The following LRP1B variants were observed in gnomAD, a reference collection of about 807,000 sequenced individuals.
LRP1B encodes LDL receptor related protein 1B, also known as low-density lipoprotein receptor-related protein 1B.
A neutral mutation model predicts 556.6 loss-of-function variants in LRP1B; 217 were observed. That is an observed-to-expected ratio of 0.39 (90% CI 0.35 to 0.44). LRP1B has a LOEUF of 0.44. LRP1B is among the 20% of genes least tolerant of loss of function. LRP1B has a pLI of 1.00. For missense variants in LRP1B, 5,053 were observed against 5,620.8 expected (o/e 0.90, Z 3.23); for synonymous variants, 2,047 against 1,865.8 (o/e 1.10, Z -2.50).
intron 7 of LRP1B, among the ~76,000 whole-genome samples, chr2:141,181,734 TA>T (rs1681005648): frequency 6.6e-6 from 1 of 151,912 alleles, no homozygotes; most frequent in Non-Finnish European, 1.5e-5. Flanking sequence ...ATTCCCAGGC[TA>T]AGCACATTGT....
chr2:141,262,102 G>C (rs1256694954), intron 3 of LRP1B, among the ~76,000 whole-genome samples: 1 of 151,854 alleles, frequency 6.6e-6, no homozygotes, highest in East Asian at 1.9e-4. Flanking sequence ...TATATGTAGT[G>C]GTAGCTATTG....
intron 2 of LRP1B, among the ~76,000 whole-genome samples, chr2:141,489,836 A>G (rs181212015): frequency 6.6e-6 from 1 of 152,330 alleles, no homozygotes; most frequent in East Asian, 1.9e-4. Context: ...GTTAATCTGT[A>G]TGATTACACT....
intron 1 of LRP1B, among the ~76,000 whole-genome samples, chr2:142,124,891 T>C (rs1033363639): frequency 1.1e-5 from 1 of 93,242 alleles, no homozygotes; most frequent in Admixed American, 9.9e-5. Context: ...CCAGTCTTAC[T>C]TTTTTTTTTT....
At chr2:141,329,324 G>C (rs915570184) in intron 3 of LRP1B, among the ~76,000 whole-genome samples, 1 of 144,518 alleles carries the variant, frequency 6.9e-6, no homozygotes, top group East Asian at 2.0e-4. Context: ...GGAAGAGGAG[G>C]TCAAAGTGAG....
chr2:140,413,382 G>C (rs1296419891), intron 66 of LRP1B, among the ~76,000 whole-genome samples: 2 of 151,910 alleles, frequency 1.3e-5, no homozygotes, highest in Non-Finnish European at 2.9e-5. Flanking sequence ...AATCCCCTTA[G>C]AGACAGATCT....
chr2:140,861,173 G>A (rs1367376890), intron 27 of LRP1B, among the ~76,000 whole-genome samples: 2 of 152,152 alleles, frequency 1.3e-5, no homozygotes, highest in East Asian at 1.9e-4. Context: ...TTGGGAAGCC[G>A]AGGAGGGCAG....
rs919260473 is a variant in LRP1B, at chr2:140,591,796, T to G, written c.7194+6835A>C. ...TTTAATTCCATTTTACATATATACA[T>G]AAGTATTTCAGGAGATTTAATATAT... On this transcript the variant is annotated intron_variant, in intron 43 of 90. Coordinates refer to ENST00000389484, the MANE Select transcript of LRP1B (RefSeq NM_018557.3). Among the ~76,000 whole-genome samples the G allele has an allele frequency of 2.9e-4, 44 of 152,206 alleles. 1 individual carries two copies. Among genetic ancestry groups the G allele is most frequent in the Admixed American group, 1.1e-3 (17 of 15,280 alleles).
intron 7 of LRP1B, among the ~76,000 whole-genome samples, chr2:141,120,803 T>C (rs374016287): frequency 9.7e-4 from 148 of 152,136 alleles, no homozygotes; most frequent in African/African-American, 3.4e-3. Flanking sequence ...GGCCAAGTTA[T>C]TGTGAGACTC....
chr2:140,703,461 CTTCTTAA>C (rs1686719003), intron 37 of LRP1B, among the ~76,000 whole-genome samples: 1 of 151,916 alleles, frequency 6.6e-6, no homozygotes, highest in African/African-American at 2.4e-5. Context: ...AATATAATTC[CTTCTTAA>C]TTCTTAATTT....
chr2:141,609,434 T>C (rs1316697347), intron 2 of LRP1B, among the ~76,000 whole-genome samples: 1 of 152,232 alleles, frequency 6.6e-6, no homozygotes, highest in Non-Finnish European at 1.5e-5. Flanking sequence ...TATTTTCATG[T>C]TAGTCATTCA....
intron 1 of LRP1B, among the ~76,000 whole-genome samples, chr2:141,862,608 C>T (rs920125604): frequency 6.6e-6 from 1 of 152,178 alleles, no homozygotes; most frequent in African/African-American, 2.4e-5. Flanking sequence ...GGGGTTTCAA[C>T]ATATTGGCCA....
intron 2 of LRP1B, among the ~76,000 whole-genome samples, chr2:141,698,577 GA>G (rs1461609997): frequency 1.3e-5 from 2 of 150,230 alleles, no homozygotes; most frequent in Non-Finnish European, 3.0e-5. Context: ...AATGGGTTTT[GA>G]AATCCACCTA....
At chr2:141,720,353 G>C (rs2105496490) in intron 2 of LRP1B, among the ~76,000 whole-genome samples, 1 of 152,202 alleles carries the variant, frequency 6.6e-6, no homozygotes, top group South Asian at 2.1e-4. Context: ...ATATGTCACT[G>C]AGTAGAGATG....
chr2:141,219,177 G>T (rs142234610), intron 6 of LRP1B, among the ~76,000 whole-genome samples: 1 of 152,186 alleles, frequency 6.6e-6, no homozygotes, highest in Non-Finnish European at 1.5e-5. Flanking sequence ...GTGGCTTCAG[G>T]CTGGACACTG....
rs1275181054 is a variant in LRP1B, at chr2:142,129,676, T to C, written c.82+972A>G. On this transcript the variant is annotated intron_variant, in intron 1 of 90. Coordinates refer to ENST00000389484, the MANE Select transcript of LRP1B (RefSeq NM_018557.3). Reference sequence around the variant, plus strand: ...AACTATACCAGTCAATATAAGCTCATTTTCTGATTTTAAAAAAATCTATGA... The same window carrying C: ...AACTATACCAGTCAATATAAGCTCACTTTCTGATTTTAAAAAAATCTATGA... Among the ~76,000 whole-genome samples the C allele has an allele frequency of 2.0e-5, 3 of 151,344 alleles. No homozygotes were observed. In the East Asian group the frequency reaches 5.9e-4, roughly 30 times the overall value.
intron 66 of LRP1B, among the ~76,000 whole-genome samples, chr2:140,409,995 G>A (rs1558863030): frequency 6.6e-6 from 1 of 151,950 alleles, no homozygotes; most frequent in Admixed American, 6.6e-5. Flanking sequence ...AAACATGGTT[G>A]CCTTCGCCAT....
intron 41 of LRP1B, among the ~76,000 whole-genome samples, chr2:140,661,526 G>A (rs529650429): frequency 2.1e-4 from 32 of 150,052 alleles, no homozygotes; most frequent in Admixed American, 2.7e-4. Flanking sequence ...AAAAAACGCA[G>A]TGTGGTGGCA....
chr2:140,796,815 T>C (rs1480287058), intron 32 of LRP1B, among the ~76,000 whole-genome samples: 1 of 152,106 alleles, frequency 6.6e-6, no homozygotes, highest in East Asian at 1.9e-4. Context: ...AAATTACAGA[T>C]GAAAGTGCAA....
At chr2:141,080,134 T>C (rs1699888525) in intron 7 of LRP1B, among the ~76,000 whole-genome samples, 1 of 152,132 alleles carries the variant, frequency 6.6e-6, no homozygotes. Context: ...GGAAAGCAAA[T>C]AGATTGGGCA....
Sources: allele counts gnomAD v4.1 joint callset (sites outside exome capture counted in the v4.1 genomes callset), GRCh38; gene constraint gnomAD v4.1.1; transcripts MANE v1.5; gene names NCBI Gene and HGNC (gene_info 2026-07-23, HGNC 2026-07-21).